The following CDH6 variants were observed in gnomAD, a reference collection of about 807,000 sequenced individuals.
CDH6 encodes cadherin-6.
A neutral mutation model predicts 78.0 loss-of-function variants in CDH6; 31 were observed. That is an observed-to-expected ratio of 0.40 (90% CI 0.30 to 0.54). The LOEUF (loss-of-function observed/expected upper bound fraction) is 0.54, where lower values mean the gene tolerates loss of function less well. CDH6 is among the 20% of genes least tolerant of loss of function. The probability of loss-of-function intolerance (pLI) is 0.56; values close to 1 mark genes in which losing one functional copy is unlikely to be tolerated. For missense variants in CDH6, 724 were observed against 975.9 expected (o/e 0.74, Z 3.44); for synonymous variants, 376 against 368.8 (o/e 1.02, Z -0.23).
chr5:31,308,794 A>G (rs1738067280), intron 7 of CDH6, among the ~76,000 whole-genome samples: 1 of 152,126 alleles, frequency 6.6e-6, no homozygotes, highest in Admixed American at 6.5e-5. Context: ...AAATATAATT[A>G]CTTGTAAAAT....
intron 2 of CDH6, among the ~76,000 whole-genome samples, chr5:31,282,939 T>C (rs1178920729): frequency 6.6e-6 from 1 of 152,176 alleles, no homozygotes; most frequent in African/African-American, 2.4e-5. Flanking sequence ...TCCCTTATGG[T>C]ATTATTTAAG....
chr5:31,198,259 C>A (rs1219909161), intron 1 of CDH6, among the ~76,000 whole-genome samples: 1 of 152,154 alleles, frequency 6.6e-6, no homozygotes, highest in East Asian at 1.9e-4. Flanking sequence ...AAGATTATTT[C>A]ATCTGTTTAA....
At chr5:31,199,193 T>C (rs996307574) in intron 1 of CDH6, among the ~76,000 whole-genome samples, 2 of 151,754 alleles carry the variant, frequency 1.3e-5, no homozygotes, top group Admixed American at 1.3e-4. Context: ...ACCCCTCACC[T>C]CTTTACATGG....
intron 1 of CDH6, among the ~76,000 whole-genome samples, chr5:31,229,084 G>A (rs973661116): frequency 6.6e-6 from 1 of 152,174 alleles, no homozygotes; most frequent in Non-Finnish European, 1.5e-5. Flanking sequence ...TAGCACTTGC[G>A]TGCCATTTCC....
rs754385058 is a variant in CDH6 at position 31,267,546 on chromosome 5, T to G, written c.73T>G (p.Ser25Ala). The change falls in exon 2 of 12, where the codon TCA becomes GCA. Residue 25 changes from serine to alanine, a missense_variant. Around this residue, in one of 3 missense-constraint regions of CDH6, gnomAD observed 58 missense variants for 50.8 expected, o/e 1.14. Transcript: ENST00000265071. ...QPYPTLSTPLSKRTSGFPAKK... is the reference protein window; with the variant it reads ...QPYPTLSTPLAKRTSGFPAKK... ...CTACCCAACTCTCTCAACTCCACTA[T>G]CAAAGAGGACTAGTGGTTTCCCAGC... is the stretch of plus-strand genomic sequence containing the variant. 7 of 1,613,992 alleles carry G rather than the reference T, an allele frequency of 4.3e-6. No individual in the cohort carries two copies. In the Admixed American group the frequency reaches 1.2e-4, roughly 27 times the overall value.
chr5:31,274,928 CA>C (rs747208386), intron 2 of CDH6, among the ~76,000 whole-genome samples: 10 of 152,198 alleles, frequency 6.6e-5, no homozygotes, highest in Admixed American at 2.0e-4. Context: ...ACAAGTTAAA[CA>C]GAGGTAGAAG....
At position 31,294,888 on chromosome 5, in the gene CDH6, G is replaced by A. The variant is rs1053910034; in HGVS notation, c.523+632G>A. On this transcript the variant is annotated intron_variant, in intron 3 of 11. Coordinates refer to ENST00000265071, the MANE Select transcript of CDH6 (RefSeq NM_004932.4). The surrounding 1 kb of genome is among the most constrained non-coding windows in gnomAD (Gnocchi z 4.1). ...AGTGGATTTAATTTGTTTAAATTGAGAGAAGTAAACAGGATTTAAATTAAG... is the reference window on the plus strand; with the variant it reads ...AGTGGATTTAATTTGTTTAAATTGAAAGAAGTAAACAGGATTTAAATTAAG... 6.6e-6 allele frequency among the ~76,000 whole-genome samples: 1 copy of A among 152,098 alleles called. No homozygotes were observed. Among genetic ancestry groups the A allele is most frequent in the Non-Finnish European group, 1.5e-5 (1 of 68,020 alleles).
At chr5:31,289,094 C>T (rs1743087669) in intron 2 of CDH6, among the ~76,000 whole-genome samples, 1 of 151,940 alleles carries the variant, frequency 6.6e-6, no homozygotes, top group Non-Finnish European at 1.5e-5. Context: ...GACATTGTAC[C>T]CAGTAGGTGA....
chr5:31,262,277 A>C (rs1450762149), intron 1 of CDH6, among the ~76,000 whole-genome samples: 2 of 152,224 alleles, frequency 1.3e-5, no homozygotes, highest in Non-Finnish European at 2.9e-5. Context: ...CAAAGTATGC[A>C]ATTACCAAAG....
At chr5:31,228,806 C>A (rs1741236132) in intron 1 of CDH6, among the ~76,000 whole-genome samples, 1 of 152,216 alleles carries the variant, frequency 6.6e-6, no homozygotes, top group Non-Finnish European at 1.5e-5. Flanking sequence ...CCACTCACCT[C>A]CTGCTGTGTG....
chr5:31,316,514 A>T (rs1738327705), intron 9 of CDH6, among the ~76,000 whole-genome samples, 185 bp downstream of exon 9: 1 of 152,250 alleles, frequency 6.6e-6, no homozygotes, highest in Non-Finnish European at 1.5e-5. Context: ...GAAGAACTGG[A>T]AGTTCATCAA....
chr5:31,302,794 G>GAAAGAAAGAA (rs1388716040), intron 6 of CDH6, among the ~76,000 whole-genome samples: 29 of 36,386 alleles, frequency 8.0e-4, no homozygotes, highest in Admixed American at 2.1e-3. Context: ...GAGAGAGAGA[G>GAAAGAAAGAA]AGAGAGAAAG....
At chr5:31,255,514 G>A (rs1374349101) in intron 1 of CDH6, among the ~76,000 whole-genome samples, 4 of 152,154 alleles carry the variant, frequency 2.6e-5, no homozygotes, top group African/African-American at 4.8e-5. Flanking sequence ...TTTGACTCTA[G>A]TAAACAGAGG....
At chr5:31,285,202 T>TA (rs1742979647) in intron 2 of CDH6, among the ~76,000 whole-genome samples, 1 of 152,202 alleles carries the variant, frequency 6.6e-6, no homozygotes, top group Non-Finnish European at 1.5e-5. Flanking sequence ...TTGCTGACTT[T>TA]ATGGCTTTTC....
rs144610815 is a variant in CDH6 at position 31,314,727 on chromosome 5, T to A, written c.1390+1273T>A. ...TTAAAGTTTTAAAATTATAAATTTA[T>A]TTCCCACTGAAAATGACCATTTTTC... On this transcript the variant is annotated intron_variant, in intron 8 of 11. Coordinates refer to ENST00000265071, the MANE Select transcript of CDH6 (RefSeq NM_004932.4). Among the ~76,000 whole-genome samples the A allele has an allele frequency of 9.9e-5, 15 of 152,256 alleles. No homozygotes were observed. The East Asian group carries it at 2.7e-3, about 27-fold the overall frequency.
intron 2 of CDH6, among the ~76,000 whole-genome samples, chr5:31,283,832 T>TA (rs1742936036): frequency 6.6e-6 from 1 of 151,148 alleles, no homozygotes; most frequent in Non-Finnish European, 1.5e-5. Context: ...TTATTTTTTT[T>TA]AAGATGGAGT....
chr5:31,317,354 G>A (rs1738352680), intron 9 of CDH6, 21 bp from the exon 10 acceptor site: 3 of 1,167,088 alleles, frequency 2.6e-6, no homozygotes, highest in Non-Finnish European at 3.8e-6. Flanking sequence ...TTTTATGGCA[G>A]CGTTTTGGTT....
chr5:31,298,636 AT>A lies in CDH6; in HGVS notation c.644-827del, dbSNP rs151038161. ...CTAGAATGTGTTTCTGCAGAAGGTT[AT>A]AAAGGCTTCTCCAGTGAAATTTGAA... is the stretch of plus-strand genomic sequence containing the variant. On this transcript the variant is annotated intron_variant, in intron 4 of 11. Coordinates refer to ENST00000265071, the MANE Select transcript of CDH6 (RefSeq NM_004932.4). Among the ~76,000 whole-genome samples the A allele has an allele frequency of 2.7e-4, 41 of 152,340 alleles. No individual in the cohort carries two copies. The East Asian group carries it at 6.9e-3, about 26-fold the overall frequency.
chr5:31,217,876 T>C (rs1006679472), intron 1 of CDH6, among the ~76,000 whole-genome samples: 8 of 152,196 alleles, frequency 5.3e-5, no homozygotes, highest in Admixed American at 5.2e-4. Context: ...TTAGCTTAAA[T>C]ACAGTTAAAA....
Sources: allele counts gnomAD v4.1 joint callset (sites outside exome capture counted in the v4.1 genomes callset), GRCh38; gene constraint gnomAD v4.1.1; regional missense constraint gnomAD v4.1.1; non-coding constraint Gnocchi (gnomAD v3.1); transcripts MANE v1.5; gene names NCBI Gene and HGNC (gene_info 2026-07-23, HGNC 2026-07-21).